The following ANXA4 variants were observed in gnomAD, a reference collection of about 807,000 sequenced individuals.
ANXA4 encodes 35-beta calcimedin.
A neutral mutation model predicts 49.8 loss-of-function variants in ANXA4; 39 were observed. That is an observed-to-expected ratio of 0.78 (90% CI 0.61 to 1.02). The LOEUF (loss-of-function observed/expected upper bound fraction) is 1.02. Ranked by LOEUF, ANXA4 falls within the 50% of genes least tolerant of loss-of-function variation. The probability of loss-of-function intolerance (pLI) is 0.00; values close to 1 mark genes in which losing one functional copy is unlikely to be tolerated. For synonymous variants in ANXA4, 134 were observed against 152.5 expected, an observed-to-expected ratio of 0.88 and a Z score of 0.89; for missense variants, 360 against 410.1, an observed-to-expected ratio of 0.88 and a Z score of 1.05.
chr2:69,701,417 G>A (rs1457312151), intron 2 of ANXA4, among the ~76,000 whole-genome samples: 1 of 151,962 alleles, frequency 6.6e-6, no homozygotes, highest in Non-Finnish European at 1.5e-5. Flanking sequence ...TTTTCTATCT[G>A]TATGATTTTG....
intron 1 of ANXA4, among the ~76,000 whole-genome samples, chr2:69,749,752 C>G (rs946094273): frequency 4.6e-5 from 7 of 150,884 alleles, no homozygotes; most frequent in South Asian, 4.2e-4. Flanking sequence ...TGGTAAAACC[C>G]CGTCTCTTAC....
At chr2:69,686,622 C>T (rs931194444) in intron 2 of ANXA4, among the ~76,000 whole-genome samples, 2 of 152,114 alleles carry the variant, frequency 1.3e-5, no homozygotes, top group African/African-American at 4.8e-5. Flanking sequence ...TTGGCTAATA[C>T]TTTTTTAAAT....
In ANXA4 at chr2:69,780,016, G is replaced by T. The variant is rs189712787; in HGVS notation, c.-46-1504G>T. 7.0e-4 allele frequency among the ~76,000 whole-genome samples: 106 copies of T among 152,278 alleles called. 1 individual carries two copies. Among genetic ancestry groups the T allele is most frequent in the Admixed American group, 5.9e-3 (90 of 15,288 alleles). On this transcript the variant is annotated intron_variant, in intron 1 of 12. Transcript: ENST00000394295. ...TAAAAAGCAAATGTGATCAAACAAGGCCTAAATGGTAATCAGGTGGGTTAA... is the reference window on the plus strand; with the variant it reads ...TAAAAAGCAAATGTGATCAAACAAGTCCTAAATGGTAATCAGGTGGGTTAA...
intron 3 of ANXA4, among the ~76,000 whole-genome samples, chr2:69,796,539 G>C (rs1287320200): frequency 6.6e-6 from 1 of 152,226 alleles, no homozygotes. Context: ...ACTTGAGTTA[G>C]ATTTTGGAAG....
intron 1 of ANXA4, among the ~76,000 whole-genome samples, chr2:69,776,335 C>G (rs982797600): frequency 5.3e-5 from 8 of 152,140 alleles, no homozygotes; most frequent in Non-Finnish European, 8.8e-5. Flanking sequence ...TGTGGCCACC[C>G]AGGAATCAAA....
intron 2 of ANXA4, among the ~76,000 whole-genome samples, chr2:69,671,962 G>A (rs1434508022): frequency 6.6e-6 from 1 of 152,188 alleles, no homozygotes; most frequent in East Asian, 1.9e-4. Context: ...TTTATTAAAA[G>A]TGCAAAAACC....
chr2:69,668,011 G>A (rs370269128), intron 2 of ANXA4, among the ~76,000 whole-genome samples: 3 of 152,192 alleles, frequency 2.0e-5, no homozygotes, highest in Admixed American at 6.5e-5. Flanking sequence ...GTCCCTGCTC[G>A]TCTCATGTCT....
chr2:69,691,264 C>T (rs1677955130), intron 2 of ANXA4, among the ~76,000 whole-genome samples: 2 of 152,130 alleles, frequency 1.3e-5, no homozygotes, highest in East Asian at 1.9e-4. Context: ...ACTGAGATTA[C>T]AGGCGCCCAC....
chr2:69,688,848 C>T (rs1195587273), intron 2 of ANXA4, among the ~76,000 whole-genome samples: 1 of 152,170 alleles, frequency 6.6e-6, no homozygotes, highest in Non-Finnish European at 1.5e-5. Context: ...ACATTCAACT[C>T]ATGTATTTTC....
In ANXA4 at chr2:69,753,981, C is replaced by G. The variant is rs142231995; in HGVS notation, c.-47+11806C>G. 1.4e-3 allele frequency among the ~76,000 whole-genome samples: 212 copies of G among 152,356 alleles called. 1 individual carries two copies. Among genetic ancestry groups the G allele is most frequent in the African/African-American group, 4.9e-3 (203 of 41,578 alleles). On this transcript the variant is annotated intron_variant, in intron 1 of 12. Coordinates refer to ENST00000394295, the MANE Select transcript of ANXA4 (RefSeq NM_001153.5). ...CAGGGACTGGAACTTGGTTCTTGTT[C>G]TGGATTCTAAGCCTGAATGATCTTC...
intron 2 of ANXA4, among the ~76,000 whole-genome samples, chr2:69,679,227 C>T (rs945374848): frequency 7.2e-5 from 11 of 152,154 alleles, no homozygotes; most frequent in African/African-American, 2.7e-4. Flanking sequence ...GCCTCAACCT[C>T]CTGGGCTCAA....
chr2:69,810,779 A>G (rs976130191), intron 7 of ANXA4, 106 bp downstream of exon 7: 36 of 880,088 alleles, frequency 4.1e-5, no homozygotes, highest in Non-Finnish European at 6.2e-5. Flanking sequence ...GATATTCCCC[A>G]GGTAGTGTTC....
intron 7 of ANXA4, chr2:69,810,881 A>G: frequency 1.8e-6 from 1 of 560,316 alleles, no homozygotes; most frequent in Non-Finnish European, 3.2e-6. Flanking sequence ...TGATATTTAC[A>G]AGTACCTAAC....
At chr2:69,803,001 A>C (rs1471725937) in intron 3 of ANXA4, among the ~76,000 whole-genome samples, 2 of 151,960 alleles carry the variant, frequency 1.3e-5, no homozygotes, top group East Asian at 3.9e-4. Flanking sequence ...GTTCAAGACC[A>C]GCCTGGTCAA....
chr2:69,734,773 CA>C (rs1158785090), intron 3 of ANXA4, among the ~76,000 whole-genome samples: 1 of 152,026 alleles, frequency 6.6e-6, no homozygotes, highest in East Asian at 1.9e-4. Context: ...GTAATCCCAG[CA>C]CTTTGTTTCT....
chr2:69,730,921 G>A (rs1239946424), intron 3 of ANXA4, among the ~76,000 whole-genome samples: 1 of 152,180 alleles, frequency 6.6e-6, no homozygotes, highest in Non-Finnish European at 1.5e-5. Context: ...GTGATGACAG[G>A]GAAGTGCTGC....
intron 1 of ANXA4, among the ~76,000 whole-genome samples, chr2:69,767,296 C>G (rs145354381): frequency 2.7e-4 from 41 of 152,322 alleles, no homozygotes; most frequent in African/African-American, 9.9e-4. Context: ...ATAAACATAA[C>G]CAGATGGGGT....
intron 3 of ANXA4, among the ~76,000 whole-genome samples, chr2:69,795,475 C>G (rs62133998): frequency 6.6e-6 from 1 of 152,084 alleles, no homozygotes; most frequent in East Asian, 1.9e-4. Flanking sequence ...GTCTCCATTC[C>G]CCATTGGGTT....
chr2:69,814,342 CTTTTTTTTTT>C (rs781253870), intron 8 of ANXA4, among the ~76,000 whole-genome samples: 2 of 97,312 alleles, frequency 2.1e-5, no homozygotes, highest in Non-Finnish European at 3.7e-5. Context: ...GTATTTTATT[CTTTTTTTTTT>C]TTTTTTTTTT....
Sources: allele counts gnomAD v4.1 joint callset (sites outside exome capture counted in the v4.1 genomes callset), GRCh38; gene constraint gnomAD v4.1.1; transcripts MANE v1.5; gene names NCBI Gene and HGNC (gene_info 2026-07-23, HGNC 2026-07-21).